FAM210A: variants seen among roughly 807,000 people sequenced by gnomAD.
FAM210A encodes the protein mitochondrial inner membrane scaffold 1, also known as family with sequence similarity 210 member A.
A neutral mutation model predicts 25.3 loss-of-function variants in FAM210A; 13 were observed. The ratio of observed to expected loss-of-function variants is 0.51; its 90% CI spans 0.33 to 0.82. The LOEUF is 0.82. Among genes scored for constraint, FAM210A ranks in the 40% least tolerant of loss-of-function variants. The pLI, the probability that FAM210A is intolerant of heterozygous loss-of-function variation, is 0.02. For synonymous variants in FAM210A, 125 were observed against 118.7 expected (o/e 1.05, Z -0.35); for missense variants, 319 against 323.2 (o/e 0.99, Z 0.10).
In FAM210A at chr18:13,671,853, A is replaced by T; in HGVS notation, c.585+9T>A. The T allele has an allele frequency of 1.9e-6, 3 of 1,585,460 alleles. No individual in the cohort carries two copies. The South Asian group carries it at 3.3e-5, about 18-fold the overall frequency. On this transcript the variant is annotated intron_variant, in intron 3 of 3. Transcript: ENST00000651643. Reference sequence around the variant, plus strand: ...TTCTGAGGAGCAATGGGTTTGTTACAGTACCCACCTTAAACAAGGCATATG... The same window carrying T: ...TTCTGAGGAGCAATGGGTTTGTTACTGTACCCACCTTAAACAAGGCATATG...
At chr18:13,667,501 C>T (rs771131895) in intron 3 of FAM210A, among the ~76,000 whole-genome samples, 9 of 149,650 alleles carry the variant, frequency 6.0e-5, no homozygotes, top group Non-Finnish European at 1.0e-4. Context: ...GGTGGGTCAC[C>T]TGAGTTCAGG....
intron 1 of FAM210A, among the ~76,000 whole-genome samples, chr18:13,723,008 A>G (rs2043909230): frequency 1.3e-5 from 2 of 152,092 alleles, no homozygotes; most frequent in South Asian, 4.1e-4. Context: ...CACTTTACCC[A>G]GTACAGTTAA....
rs184064776 is a variant in FAM210A, at chr18:13,669,837, T to A, written c.585+2025A>T. Among the ~76,000 whole-genome samples, 257 of 152,030 alleles carry A rather than the reference T, an allele frequency of 1.7e-3. 1 individual carries two copies. Among genetic ancestry groups the A allele is most frequent in the East Asian group, 7.0e-3 (36 of 5,176 alleles). On this transcript the variant is annotated intron_variant, in intron 3 of 3. Transcript: ENST00000651643. ...GATTATGAGGCAGTCAGTGAATATA[T>A]CCCGTAGCCAACTGCCACCAGACCA... is the stretch of plus-strand genomic sequence containing the variant.
At chr18:13,703,590 A>T (rs1217280501) in intron 1 of FAM210A, among the ~76,000 whole-genome samples, 1 of 152,210 alleles carries the variant, frequency 6.6e-6, no homozygotes, top group Non-Finnish European at 1.5e-5. Context: ...GTTCTTCCAA[A>T]GACTCCACCC....
intron 1 of FAM210A, among the ~76,000 whole-genome samples, chr18:13,718,774 G>T (rs938942327): frequency 1.3e-5 from 2 of 152,100 alleles, no homozygotes; most frequent in Non-Finnish European, 1.5e-5. Flanking sequence ...ACCAAAAAAA[G>T]ACATATGAGA....
intron 1 of FAM210A, among the ~76,000 whole-genome samples, chr18:13,698,351 C>CAAAAAAAAAAA (rs11464991): frequency 1.4e-5 from 1 of 72,946 alleles, no homozygotes; most frequent in Non-Finnish European, 2.6e-5. Flanking sequence ...GACTCCATCT[C>CAAAAAAAAAAA]AAAAAAAAAA....
At chr18:13,696,821 T>C (rs1194654341) in intron 1 of FAM210A, among the ~76,000 whole-genome samples, 1 of 152,208 alleles carries the variant, frequency 6.6e-6, no homozygotes, top group Non-Finnish European at 1.5e-5. Flanking sequence ...ATAAACTCAG[T>C]GTAGTCTAAG....
chr18:13,711,129 T>C (rs1227907576), intron 1 of FAM210A, among the ~76,000 whole-genome samples: 1 of 152,226 alleles, frequency 6.6e-6, no homozygotes, highest in Non-Finnish European at 1.5e-5. Context: ...CTCAACACTT[T>C]GGGAGGCCAA....
chr18:13,708,993 A>G (rs989811953), intron 1 of FAM210A, among the ~76,000 whole-genome samples: 1 of 152,216 alleles, frequency 6.6e-6, no homozygotes, highest in African/African-American at 2.4e-5. Context: ...ACTGCTAACA[A>G]AACAACAGAG....
At chr18:13,695,850 TTAAAG>T (rs1304355544) in intron 1 of FAM210A, among the ~76,000 whole-genome samples, 1 of 152,086 alleles carries the variant, frequency 6.6e-6, no homozygotes, top group East Asian at 1.9e-4. Context: ...ACCCTAGAAC[TTAAAG>T]TATATATATA....
intron 1 of FAM210A, among the ~76,000 whole-genome samples, chr18:13,708,918 C>T (rs1475232907): frequency 5.3e-5 from 8 of 152,208 alleles, no homozygotes; most frequent in Non-Finnish European, 1.2e-4. Flanking sequence ...GAATTACCAC[C>T]TTGCCCTTCA....
chr18:13,692,268 C>A (rs1309097300), intron 1 of FAM210A, among the ~76,000 whole-genome samples: 3 of 152,036 alleles, frequency 2.0e-5, no homozygotes, highest in Admixed American at 6.6e-5. Context: ...TAGAGACCTA[C>A]AAAGAGACTT....
At position 13,713,464 on chromosome 18, in the gene FAM210A, C is replaced by A. The variant is rs2043836647; in HGVS notation, c.-29+12865G>T. Among the ~76,000 whole-genome samples the A allele has an allele frequency of 1.3e-5, 2 of 152,152 alleles. 1 individual carries two copies. Among genetic ancestry groups the A allele is most frequent in the South Asian group, 4.1e-4 (2 of 4,832 alleles). ...TACTTCTTAAACTAGGTAAAATTCA[C>A]ACCAATACTAAAATCACCCCATGTG... is the stretch of plus-strand genomic sequence containing the variant. On this transcript the variant is annotated intron_variant, in intron 1 of 3. Coordinates refer to ENST00000651643, the MANE Select transcript of FAM210A (RefSeq NM_152352.4).
At chr18:13,683,499 G>A (rs968444431) in intron 1 of FAM210A, among the ~76,000 whole-genome samples, 4 of 151,876 alleles carry the variant, frequency 2.6e-5, no homozygotes, top group African/African-American at 9.7e-5. Flanking sequence ...AGGTATTTGA[G>A]GCTGTAATGC....
intron 3 of FAM210A, among the ~76,000 whole-genome samples, chr18:13,669,352 A>AG (rs1279126892): frequency 6.6e-6 from 1 of 152,152 alleles, no homozygotes; most frequent in African/African-American, 2.4e-5. Context: ...AGTCCTTTTA[A>AG]GGGCCAACAA....
chr18:13,724,041 G>A (rs143461808), intron 1 of FAM210A, among the ~76,000 whole-genome samples: 48 of 151,744 alleles, frequency 3.2e-4, no homozygotes, highest in Non-Finnish European at 6.6e-4. Context: ...CTCTACAACA[G>A]AAATCACACT....
At chr18:13,683,084 T>C (rs994210240) in intron 1 of FAM210A, among the ~76,000 whole-genome samples, 2 of 152,116 alleles carry the variant, frequency 1.3e-5, no homozygotes, top group African/African-American at 4.8e-5. Context: ...CCATGTCCAC[T>C]ACTAAAATGA....
At chr18:13,679,788 TAAGA>T (rs1202896823) in intron 2 of FAM210A, among the ~76,000 whole-genome samples, 1 of 152,106 alleles carries the variant, frequency 6.6e-6, no homozygotes, top group Non-Finnish European at 1.5e-5. Flanking sequence ...AAAATAAAAC[TAAGA>T]AAGTTGCATT....
intron 1 of FAM210A, among the ~76,000 whole-genome samples, chr18:13,693,648 T>C (rs1049375141): frequency 6.6e-6 from 1 of 152,142 alleles, no homozygotes; most frequent in Admixed American, 6.5e-5. Flanking sequence ...AAAAACCACA[T>C]GATTATCTCA....
Sources: gnomAD v4.1 joint callset for allele counts (sites outside exome capture counted in the v4.1 genomes callset) on GRCh38, gnomAD v4.1.1 for gene constraint, MANE v1.5 for transcripts, NCBI Gene and HGNC (gene_info 2026-07-23, HGNC 2026-07-21) for gene names.